The following APPL1 variants were observed in gnomAD, a reference collection of about 807,000 sequenced individuals.
APPL1 encodes the protein DCC-interacting protein 13-alpha.
In APPL1, 42 loss-of-function variants were observed where a neutral mutation model predicts 106.8. That is an observed-to-expected ratio of 0.39 (90% CI 0.31 to 0.51). APPL1 has a LOEUF of 0.51. APPL1 is among the 20% of genes least tolerant of loss of function. The pLI, the probability that APPL1 is intolerant of heterozygous loss-of-function variation, is 0.75. For missense variants in APPL1, 769 were observed against 858.2 expected (o/e 0.90, Z 1.30); for synonymous variants, 263 against 281.8 (o/e 0.93, Z 0.67).
Position 57,268,265 on chromosome 3 carries a change from A to G in APPL1, c.1894-133A>G. On this transcript the variant is annotated intron_variant, in intron 20 of 21. Transcript: ENST00000288266. Reference sequence around the variant, plus strand: ...TGGATAATTGTTTACCATTGAATATAAACTGTTGATGTGCTTTCTTATGTA... The same window carrying G: ...TGGATAATTGTTTACCATTGAATATGAACTGTTGATGTGCTTTCTTATGTA... The G allele has an allele frequency of 3.4e-6, 3 of 880,218 alleles. No individual in the cohort carries two copies. In the Admixed American group the frequency reaches 7.6e-5, roughly 22 times the overall value. The allele number at this position is 880,218 out of a possible 1,614,324, so 54.5% of individuals were successfully genotyped here.
At chr3:57,247,809 G>T (rs1430450857) in intron 9 of APPL1, among the ~76,000 whole-genome samples, 1 of 152,076 alleles carries the variant, frequency 6.6e-6, no homozygotes, top group Non-Finnish European at 1.5e-5. Context: ...ACTAAATATT[G>T]TTTCCAAGCC....
chr3:57,251,781 A>T (rs2060806143), intron 11 of APPL1, among the ~76,000 whole-genome samples: 1 of 152,156 alleles, frequency 6.6e-6, no homozygotes, highest in Admixed American at 6.5e-5. Flanking sequence ...AAATTAATAA[A>T]AATTATTATT....
At chr3:57,241,713 G>T (rs2060747513) in intron 5 of APPL1, among the ~76,000 whole-genome samples, 1 of 152,178 alleles carries the variant, frequency 6.6e-6, no homozygotes, top group South Asian at 2.1e-4. Context: ...TTTCTTCAGT[G>T]TAAGGGGACT....
intron 19 of APPL1, among the ~76,000 whole-genome samples, chr3:57,266,535 G>T (rs1373796720): frequency 3.3e-5 from 5 of 152,124 alleles, no homozygotes; most frequent in African/African-American, 9.7e-5. Flanking sequence ...AGTATCAATT[G>T]TAATGTCACC....
intron 3 of APPL1, 139 bp from the exon 4 acceptor site, chr3:57,237,906 A>G (rs534830826): frequency 3.6e-5 from 23 of 641,986 alleles, no homozygotes; most frequent in Admixed American, 9.3e-5. Context: ...ACATTACACA[A>G]TTTTAGTTAA....
chr3:57,251,737 A>C (rs1376604400), intron 11 of APPL1, among the ~76,000 whole-genome samples: 1 of 152,124 alleles, frequency 6.6e-6, no homozygotes. Context: ...AATGCTTACC[A>C]TGATTTCCCA....
intron 13 of APPL1, 23 bp from the exon 14 acceptor site, chr3:57,256,934 C>T: frequency 6.2e-7 from 1 of 1,608,210 alleles, no homozygotes; most frequent in East Asian, 2.2e-5. Context: ...AATATTAGTC[C>T]TTTTTTAAAA....
chr3:57,267,418 C>T (rs1440786476), intron 19 of APPL1, among the ~76,000 whole-genome samples: 1 of 152,144 alleles, frequency 6.6e-6, no homozygotes, highest in East Asian at 1.9e-4. Flanking sequence ...GAACCAAAAC[C>T]AGCCATTTTC....
In APPL1 at chr3:57,256,958, A is replaced by C; in HGVS notation, c.1154A>C (p.Glu385Ala). 6.2e-7 allele frequency: 1 copy of C among 1,613,744 alleles called. No homozygotes were observed. Among genetic ancestry groups the C allele is most frequent in the Non-Finnish European group, 8.5e-7 (1 of 1,179,842 alleles). ...KQIYLSENPE[E>A]TAARVNQSAL... is the part of the protein sequence containing the mutation. ...CCTTTTTTAAAAAAATTGAAATAGG[A>C]AACTGCTGCACGAGTAAATCAATCA... The change falls in exon 14 of 22, where the codon GAA becomes GCA. Residue 385 changes from glutamate (E) to alanine (A), a missense_variant and splice_region_variant. Transcript: ENST00000288266.
At position 57,270,554 on chromosome 3, in the gene APPL1, T is replaced by C. The variant is rs189516135; in HGVS notation, c.*867T>C. On this transcript the variant is annotated 3_prime_UTR_variant, in exon 22 of 22. Transcript: ENST00000288266. ...TTTCTGCATTGTGTGAAATAGTTTT[T>C]ATTGAAAGTCAAGTGACATTTCAAA... 3.3e-4 allele frequency: 51 copies of C among 152,818 alleles called. No individual in the cohort carries two copies. The highest frequency in any genetic ancestry group is 1.2e-3 in the African/African-American group (51 of 41,594). 9.5% of individuals were successfully genotyped at this position (152,818 alleles called of 1,614,324 possible).
At chr3:57,268,638 G>A (rs1031064273) in intron 21 of APPL1, 151 bp downstream of exon 21, 9 of 804,496 alleles carry the variant, frequency 1.1e-5, no homozygotes, top group African/African-American at 1.7e-5. Context: ...GCAGAAAAGG[G>A]TCACATCTGT....
chr3:57,235,541 A>G, intron 1 of APPL1, 25 bp from the exon 2 acceptor site: 1 of 1,449,942 alleles, frequency 6.9e-7, no homozygotes, highest in Non-Finnish European at 9.6e-7. Flanking sequence ...GATTAACATA[A>G]ACTTATTGCT....
chr3:57,239,038 C>T (rs555483995), intron 4 of APPL1, among the ~76,000 whole-genome samples: 60 of 152,198 alleles, frequency 3.9e-4, no homozygotes, highest in African/African-American at 1.3e-3. Context: ...ACAATCATGG[C>T]GGAAGACGAA....
intron 7 of APPL1, among the ~76,000 whole-genome samples, chr3:57,243,715 G>A (rs1403751975): frequency 2.0e-5 from 3 of 152,186 alleles, no homozygotes; most frequent in South Asian, 4.1e-4. Context: ...ACTTAATGGT[G>A]TATTGATAAA....
intron 19 of APPL1, among the ~76,000 whole-genome samples, chr3:57,263,604 T>A (rs1437050230): frequency 6.6e-6 from 1 of 152,202 alleles, no homozygotes; most frequent in Non-Finnish European, 1.5e-5. Context: ...TTCTTTTTTA[T>A]GGCTGAATAG....
At chr3:57,245,902 C>T (rs2060771290) in intron 7 of APPL1, among the ~76,000 whole-genome samples, 174 bp from the exon 8 acceptor site, 2 of 152,096 alleles carry the variant, frequency 1.3e-5, no homozygotes, top group East Asian at 3.8e-4. Flanking sequence ...TTTGCTTAAC[C>T]AGTATGTTGA....
chr3:57,245,522 G>A (rs115407156), intron 7 of APPL1, among the ~76,000 whole-genome samples: 3,608 of 151,088 alleles, frequency 0.024, 65 homozygotes, highest in South Asian at 0.035. Flanking sequence ...TCTTAGTTAC[G>A]TACAGAATTC....
chr3:57,259,925 T>C lies in APPL1; in HGVS notation c.1564T>C (p.Tyr522His). Reference protein sequence around the residue: ...VKSDDHPDVVYETMRQILAAR... With the variant: ...VKSDDHPDVVHETMRQILAAR... The stretch of plus-strand genomic sequence containing the variant: ...ATCAGATGACCATCCAGATGTTGTT[T>C]ATGAAACTATGCGCCAAATCTTAGC... Residue 522 changes from tyrosine (Y) to histidine (H), a missense_variant, in exon 17 of 22, where the codon TAT (tyrosine) becomes CAT (histidine). Tyr to His is a moderately conservative substitution (Grantham distance 83). Transcript: ENST00000288266. 6.2e-7 allele frequency: 1 copy of C among 1,613,910 alleles called. No homozygotes were observed. The highest frequency in any genetic ancestry group is 8.5e-7 in the Non-Finnish European group (1 of 1,179,986).
At chr3:57,269,315 G>C in intron 21 of APPL1, 1 of 448,396 alleles carries the variant, frequency 2.2e-6, no homozygotes, top group Non-Finnish European at 3.9e-6. Context: ...AAAAAAGAAA[G>C]ATAAAATATT....
Sources: allele counts gnomAD v4.1 joint callset (sites outside exome capture counted in the v4.1 genomes callset), GRCh38; gene constraint gnomAD v4.1.1; transcripts MANE v1.5; gene names NCBI Gene and HGNC (gene_info 2026-07-23, HGNC 2026-07-21).